HYAL4: variants seen among roughly 807,000 people sequenced by gnomAD.
The protein encoded by HYAL4 is hyaluronidase 4.
HYAL4 carries 37 observed loss-of-function variants against 35.2 expected under a neutral mutation model. That is an observed-to-expected ratio of 1.05 (90% confidence interval 0.81 to 1.38). HYAL4 has a LOEUF of 1.38. Ranked by LOEUF, HYAL4 falls within the 40% of genes most tolerant of loss-of-function variation. The pLI is 0.00. For synonymous variants in HYAL4, 198 were observed against 203.2 expected (o/e 0.97, Z 0.22); for missense variants, 572 against 572.4 (o/e 1.00, Z 0.01).
the HYAL4 span, among the ~76,000 whole-genome samples, chr7:123,802,670 G>T: frequency 6.6e-6 from 1 of 151,660 alleles, no homozygotes; most frequent in Non-Finnish European, 1.5e-5. Flanking sequence ...ACGCCCTATA[G>T]ATCTTTTTAT....
Position 123,868,441 on chromosome 7 carries a change from AG to A in HYAL4, c.169del (p.Asp57IlefsTer4), listed in dbSNP as rs1806755876. ...PFIAAWNAPT[D>X]QCLIKYNLRL... ...TTATAGCTGCTTGGAATGCTCCAAC[AG>A]ATCAGTGTTTGATAAAATATAATTT... On this transcript the variant is annotated frameshift_variant, in exon 3 of 5. Transcript: ENST00000223026. LOFTEE classifies it high-confidence loss of function. 6.2e-7 allele frequency: 1 copy of A among 1,609,058 alleles called. No homozygotes were observed. Among genetic ancestry groups the A allele is most frequent in the Admixed American group, 1.7e-5 (1 of 58,652 alleles).
the HYAL4 span, among the ~76,000 whole-genome samples, chr7:123,792,267 C>T: frequency 8.5e-5 from 13 of 152,194 alleles, no homozygotes; most frequent in Admixed American, 3.9e-4. Flanking sequence ...ATTTAGAACA[C>T]GGTACGTATT....
the HYAL4 span, among the ~76,000 whole-genome samples, chr7:123,810,711 C>T: frequency 6.6e-6 from 1 of 152,176 alleles, no homozygotes; most frequent in Non-Finnish European, 1.5e-5. Context: ...GTTCACTCTT[C>T]GTGTTGTGCA....
At chr7:123,781,689 G>T in the HYAL4 span, among the ~76,000 whole-genome samples, 13 of 151,910 alleles carry the variant, frequency 8.6e-5, no homozygotes, top group Non-Finnish European at 2.9e-5. Flanking sequence ...GATTTAATAT[G>T]AAAAACAAAA....
chr7:123,857,152 A>C (rs1441081820), intron 2 of HYAL4, among the ~76,000 whole-genome samples: 3 of 151,980 alleles, frequency 2.0e-5, no homozygotes, highest in Non-Finnish European at 2.9e-5. Flanking sequence ...GAGTTAGACC[A>C]CTTGGCTCCC....
chr7:123,795,577 T>TC, the HYAL4 span, among the ~76,000 whole-genome samples: 2 of 152,042 alleles, frequency 1.3e-5, no homozygotes, highest in African/African-American at 4.8e-5. Flanking sequence ...TAAGGGGCTT[T>TC]CCCCCCTTTT....
At chr7:123,858,172 A>G (rs757658021) in intron 2 of HYAL4, among the ~76,000 whole-genome samples, 3 of 152,154 alleles carry the variant, frequency 2.0e-5, no homozygotes, top group Non-Finnish European at 4.4e-5. Context: ...ACTTCAGCCT[A>G]TCTCTATCTC....
intron 2 of HYAL4, among the ~76,000 whole-genome samples, chr7:123,857,317 A>G (rs1806463128): frequency 6.6e-6 from 1 of 152,078 alleles, no homozygotes; most frequent in African/African-American, 2.4e-5. Flanking sequence ...TAGTGTAGGC[A>G]CCTGAGGGAA....
At chr7:123,842,518 T>A (rs1392727906), upstream of HYAL4, among the ~76,000 whole-genome samples, 1 of 152,030 alleles carries the variant, frequency 6.6e-6, no homozygotes, top group Non-Finnish European at 1.5e-5. Flanking sequence ...TAGGTCTGCT[T>A]GTTGCAGAGC....
chr7:123,806,973 A>G, the HYAL4 span, among the ~76,000 whole-genome samples: 1 of 152,096 alleles, frequency 6.6e-6, no homozygotes, highest in African/African-American at 2.4e-5. Flanking sequence ...CCTTCAGTTG[A>G]TCCTTATAGA....
chr7:123,818,012 G>T, the HYAL4 span, among the ~76,000 whole-genome samples: 3 of 151,654 alleles, frequency 2.0e-5, no homozygotes, highest in Non-Finnish European at 1.5e-5. Context: ...CGAGTAGCTG[G>T]GATTACAGGC....
At chr7:123,791,686 C>A in the HYAL4 span, among the ~76,000 whole-genome samples, 1 of 152,208 alleles carries the variant, frequency 6.6e-6, no homozygotes, top group Non-Finnish European at 1.5e-5. Flanking sequence ...GCAGCTCAGT[C>A]TTCCAAATGT....
At chr7:123,851,486 T>C (rs1400979730) in intron 2 of HYAL4, among the ~76,000 whole-genome samples, 1 of 152,176 alleles carries the variant, frequency 6.6e-6, no homozygotes, top group African/African-American at 2.4e-5. Context: ...AGTGAGAACA[T>C]GCGGTGTTTG....
chr7:123,800,988 T>G, the HYAL4 span, among the ~76,000 whole-genome samples: 4 of 152,116 alleles, frequency 2.6e-5, no homozygotes, highest in African/African-American at 9.7e-5. Flanking sequence ...TAAAATTTAT[T>G]TTATTTGGTA....
upstream of HYAL4, among the ~76,000 whole-genome samples, chr7:123,827,328 C>G: frequency 6.6e-6 from 1 of 152,068 alleles, no homozygotes. Flanking sequence ...AGGAGGGCGG[C>G]TGCAACAGAA....
chr7:123,873,154 G>T (rs574582682), intron 3 of HYAL4, among the ~76,000 whole-genome samples: 2 of 152,138 alleles, frequency 1.3e-5, no homozygotes, highest in African/African-American at 4.8e-5. Flanking sequence ...AGAGTCTGCA[G>T]TCTTGGTACT....
At chr7:123,766,981 A>C in the HYAL4 span, among the ~76,000 whole-genome samples, 3 of 152,202 alleles carry the variant, frequency 2.0e-5, no homozygotes, top group African/African-American at 7.2e-5. Context: ...ATTTTAATCA[A>C]ATCATGTTTT....
chr7:123,787,536 T>TATGC, the HYAL4 span, among the ~76,000 whole-genome samples: 1 of 152,178 alleles, frequency 6.6e-6, no homozygotes, highest in Non-Finnish European at 1.5e-5. Context: ...CAGCCATTTA[T>TATGC]ATGCATGTCT....
the HYAL4 span, among the ~76,000 whole-genome samples, chr7:123,792,286 A>G: frequency 5.3e-5 from 8 of 152,180 alleles, no homozygotes; most frequent in African/African-American, 4.8e-5. Context: ...TTTATTGGTT[A>G]TGCTCCACTG....
Sources: allele counts gnomAD v4.1 joint callset (sites outside exome capture counted in the v4.1 genomes callset), GRCh38; gene constraint gnomAD v4.1.1; transcripts MANE v1.5; gene names NCBI Gene and HGNC (gene_info 2026-07-23, HGNC 2026-07-21).